MAP4: variants seen among roughly 807,000 people sequenced by gnomAD.
MAP4 encodes the protein microtubule-associated protein 4.
A neutral mutation model predicts 170.2 loss-of-function variants in MAP4; 76 were observed. The observed-to-expected ratio is 0.45, with a 90% CI of 0.37 to 0.54. MAP4 has a LOEUF of 0.54. Among genes scored for constraint, MAP4 ranks in the 20% least tolerant of loss-of-function variants. MAP4 has a pLI of 0.00. For synonymous variants in MAP4, 909 were observed against 994.5 expected (o/e 0.91, Z 1.62); for missense variants, 2,506 against 2,748.0 (o/e 0.91, Z 1.97).
chr3:47,896,534 CAAACAAACAAAAAAACAACCAAGAAA>C (rs2153214870), intron 10 of MAP4, among the ~76,000 whole-genome samples: 1 of 151,894 alleles, frequency 6.6e-6, no homozygotes, highest in East Asian at 1.9e-4. Flanking sequence ...CATCTCCAAA[CAAACAAACAAAAAAACAACCAAGAAA>C]CTGTACATAT....
chr3:47,914,005 A>T (rs2100037283), intron 8 of MAP4, among the ~76,000 whole-genome samples: 1 of 152,246 alleles, frequency 6.6e-6, no homozygotes, highest in East Asian at 1.9e-4. Context: ...TCTAATTAAA[A>T]TGCAGATAAT....
chr3:47,968,632 GAATA>G (rs1340961032), intron 3 of MAP4, among the ~76,000 whole-genome samples: 1 of 151,660 alleles, frequency 6.6e-6, no homozygotes, highest in Non-Finnish European at 1.5e-5. Context: ...TATATTAAAA[GAATA>G]AAATAAAATA....
intron 17 of MAP4, among the ~76,000 whole-genome samples, chr3:47,863,997 T>A (rs1009767868): frequency 6.7e-6 from 1 of 150,076 alleles, no homozygotes; most frequent in Non-Finnish European, 1.5e-5. Flanking sequence ...CTCCCTTTTT[T>A]TTCAGTGTCT....
At chr3:48,072,170 G>C (rs2100141339) in intron 1 of MAP4, among the ~76,000 whole-genome samples, 1 of 152,034 alleles carries the variant, frequency 6.6e-6, no homozygotes, top group Admixed American at 6.6e-5. Context: ...CTTCACTCCA[G>C]CCTGGGATGG....
intron 1 of MAP4, among the ~76,000 whole-genome samples, chr3:48,013,177 A>ATT (rs2100106157): frequency 6.6e-6 from 1 of 152,148 alleles, no homozygotes; most frequent in Admixed American, 6.6e-5. Flanking sequence ...GTTACTTACT[A>ATT]TTCGGTTATG....
chr3:47,945,659 C>T (rs1457346141), intron 3 of MAP4, among the ~76,000 whole-genome samples: 1 of 151,972 alleles, frequency 6.6e-6, no homozygotes, highest in Non-Finnish European at 1.5e-5. Context: ...CTTTTTGCAA[C>T]ACCTTTGTTC....
chr3:47,924,741 C>A (rs903135778), intron 4 of MAP4, among the ~76,000 whole-genome samples: 2 of 152,180 alleles, frequency 1.3e-5, no homozygotes, highest in Non-Finnish European at 2.9e-5. Flanking sequence ...GCTCCTCTCC[C>A]ATGTGTGCCT....
intron 10 of MAP4, chr3:47,891,132 G>A: frequency 1.3e-6 from 2 of 1,536,200 alleles, no homozygotes; most frequent in Non-Finnish European, 1.7e-6. Flanking sequence ...TTCTCTCCTC[G>A]CTGGCAAACC....
intron 3 of MAP4, among the ~76,000 whole-genome samples, chr3:47,937,656 CTTTTTTTTTTTT>C (rs71070243): frequency 9.0e-4 from 97 of 107,920 alleles, no homozygotes; most frequent in African/African-American, 3.3e-3. Flanking sequence ...TTTTCTTCTT[CTTTTTTTTTTTT>C]TTTTTTTTTT....
chr3:48,053,924 A>C (rs928324622), intron 1 of MAP4, among the ~76,000 whole-genome samples: 2 of 151,962 alleles, frequency 1.3e-5, no homozygotes, highest in African/African-American at 2.4e-5. Flanking sequence ...ATATATGAAA[A>C]TGTTATTCTC....
At chr3:47,993,353 A>G (rs2100093538) in intron 2 of MAP4, among the ~76,000 whole-genome samples, 2 of 152,200 alleles carry the variant, frequency 1.3e-5, no homozygotes, top group African/African-American at 2.4e-5. Flanking sequence ...AAAAAAAATA[A>G]AGGAGGAGAT....
At position 47,911,502 on chromosome 3, in the gene MAP4, T is replaced by A; in HGVS notation, c.2919A>T (p.Val973=). Residue 973 remains valine (V), a synonymous_variant, in exon 9 of 21, where the codon GTA becomes GTT. Transcript: ENST00000683076. This position sits in a 1 kb window ranked among gnomAD's most constrained non-coding sequence, Gnocchi z 4.0. The part of the protein sequence containing the change: ...PTAAKEIPNL[V]PTLIASNPLE... Reference sequence around the variant, plus strand: ...ATGGATTACTTGCTATCAAAGTGGGTACCAAATTTGGTATTTCTTTTGCTG... The same window carrying A: ...ATGGATTACTTGCTATCAAAGTGGGAACCAAATTTGGTATTTCTTTTGCTG... 1 of 1,536,024 alleles carries A rather than the reference T, an allele frequency of 6.5e-7. No homozygotes were observed. Among genetic ancestry groups the A allele is most frequent in the Non-Finnish European group, 8.7e-7 (1 of 1,146,874 alleles).
intron 2 of MAP4, among the ~76,000 whole-genome samples, chr3:47,997,041 T>C (rs1327937447): frequency 2.0e-5 from 3 of 151,716 alleles, no homozygotes; most frequent in African/African-American, 4.8e-5. Flanking sequence ...AATTGGAAGA[T>C]AGGTCAAAAG....
chr3:47,897,976 T>C (rs2100027931), intron 10 of MAP4, among the ~76,000 whole-genome samples: 1 of 151,424 alleles, frequency 6.6e-6, no homozygotes, highest in Non-Finnish European at 1.5e-5. Context: ...AGAATGGTCC[T>C]GCTTTAATTA....
chr3:48,005,787 G>C lies in MAP4; in HGVS notation c.-19-6908C>G, dbSNP rs1252908319. ...AAATAGATTTGTGAGGGCAGCACTT[G>C]AATCTTTGAAGAGCCCTGTAATTGC... On this transcript the variant is annotated intron_variant, in intron 1 of 20. Coordinates refer to ENST00000683076, the MANE Select transcript of MAP4 (RefSeq NM_001385682.1). 2.6e-5 allele frequency among the ~76,000 whole-genome samples: 4 copies of C among 152,216 alleles called. No homozygotes were observed. In the East Asian group the frequency reaches 7.7e-4, roughly 29 times the overall value.
chr3:47,920,136 A>C (rs150038509), intron 5 of MAP4, among the ~76,000 whole-genome samples: 1,999 of 152,200 alleles, frequency 0.013, 37 homozygotes, highest in Admixed American at 0.041. Flanking sequence ...ACTCCCAGCT[A>C]ATTTTTGTAT....
chr3:47,928,524 G>A (rs913694785), intron 3 of MAP4, among the ~76,000 whole-genome samples, 174 bp from the exon 4 acceptor site: 3 of 152,096 alleles, frequency 2.0e-5, no homozygotes, highest in African/African-American at 7.2e-5. Context: ...TGGGTGCAAT[G>A]GTGCGTCTGT....
chr3:47,967,536 C>T (rs1447249165), intron 3 of MAP4, among the ~76,000 whole-genome samples: 3 of 152,154 alleles, frequency 2.0e-5, no homozygotes, highest in Non-Finnish European at 4.4e-5. Flanking sequence ...CCTGTAATCT[C>T]GGCTACTCGG....
At position 47,905,688 on chromosome 3, in the gene MAP4, G is replaced by A. The variant is rs910623424; in HGVS notation, c.5384-2688C>T. Among the ~76,000 whole-genome samples the A allele has an allele frequency of 9.4e-4, 119 of 126,142 alleles. 1 individual carries two copies. The highest frequency in any genetic ancestry group is 3.7e-3 in the African/African-American group (99 of 27,026). The allele number at this position is 126,142 out of a possible 152,430, so 82.8% of individuals were successfully genotyped here. A position where few individuals can be genotyped will look rare whatever the true frequency, so the allele number is the denominator to read the frequency against. The stretch of plus-strand genomic sequence containing the variant: ...TATAAACTTGTTAATACATGAAGAA[G>A]TCACTAAAAAAAAAATAAAACACAG... On this transcript the variant is annotated intron_variant, in intron 9 of 20. Transcript: ENST00000683076.
Sources: gnomAD v4.1 joint callset for allele counts (sites outside exome capture counted in the v4.1 genomes callset) on GRCh38, gnomAD v4.1.1 for gene constraint, Gnocchi (gnomAD v3.1) non-coding constraint, MANE v1.5 for transcripts, NCBI Gene and HGNC (gene_info 2026-07-23, HGNC 2026-07-21) for gene names.